The following RAP1A variants were observed in gnomAD, a reference collection of about 807,000 sequenced individuals.
The protein encoded by RAP1A is ras-related protein Rap-1A.
In RAP1A, 6 loss-of-function variants were observed where a neutral mutation model predicts 26.4. That is an observed-to-expected ratio of 0.23 (90% CI 0.12 to 0.45). RAP1A has a LOEUF of 0.45. Among genes scored for constraint, RAP1A ranks in the 20% least tolerant of loss-of-function variants. The pLI, the probability that RAP1A is intolerant of heterozygous loss-of-function variation, is 0.99. For missense variants in RAP1A, 121 were observed against 217.2 expected (o/e 0.56, Z 2.78); for synonymous variants, 73 against 79.4 (o/e 0.92, Z 0.43).
At chr1:111,564,020 C>A in intron 1 of RAP1A, 1 of 1,162,198 alleles carries the variant, frequency 8.6e-7, no homozygotes, top group South Asian at 1.2e-5. Flanking sequence ...CCCATCCAAC[C>A]CTTCTGCCAT....
In RAP1A at chr1:111,626,944, C is replaced by G. The variant is rs371746717; in HGVS notation, c.-28+7010C>G. ...TACACAACCTAAAAGTAAAGGTGAG[C>G]ATAATAGAAGCTGGAAACAAGCTGC... On this transcript the variant is annotated intron_variant, in intron 1 of 7. Transcript: ENST00000369709. 4.6e-5 allele frequency among the ~76,000 whole-genome samples: 7 copies of G among 152,214 alleles called. No individual in the cohort carries two copies. In the East Asian group the frequency reaches 1.2e-3, roughly 25 times the overall value.
At chr1:111,543,413 C>T (rs1401388552) in intron 1 of RAP1A, among the ~76,000 whole-genome samples, 3 of 152,118 alleles carry the variant, frequency 2.0e-5, no homozygotes, top group East Asian at 1.9e-4. Flanking sequence ...TACCATCTCC[C>T]GTCTATTCGC....
intron 1 of RAP1A, among the ~76,000 whole-genome samples, chr1:111,622,548 A>G (rs1395642269): frequency 6.6e-6 from 1 of 152,098 alleles, no homozygotes; most frequent in Non-Finnish European, 1.5e-5. Flanking sequence ...CACTGTTTCT[A>G]TCCTCTCACC....
chr1:111,623,579 G>C (rs1387223833), intron 1 of RAP1A, among the ~76,000 whole-genome samples: 1 of 151,828 alleles, frequency 6.6e-6, no homozygotes, highest in Non-Finnish European at 1.5e-5. Flanking sequence ...GCTAATTTTT[G>C]TATTTTTTTT....
intron 6 of RAP1A, chr1:111,706,806 T>C: frequency 1.1e-6 from 1 of 888,372 alleles, no homozygotes; most frequent in Non-Finnish European, 1.3e-6. Flanking sequence ...AGAAATAATT[T>C]AGAATAATAC....
At chr1:111,560,370 C>A (rs1657684000) in intron 1 of RAP1A, among the ~76,000 whole-genome samples, 1 of 151,730 alleles carries the variant, frequency 6.6e-6, no homozygotes, top group South Asian at 2.1e-4. Flanking sequence ...AGGCCTAAGG[C>A]AGGGGCTGAT....
chr1:111,556,480 C>T (rs146535342), intron 1 of RAP1A, among the ~76,000 whole-genome samples: 2 of 152,178 alleles, frequency 1.3e-5, no homozygotes, highest in African/African-American at 4.8e-5. Flanking sequence ...CTCACAGTTG[C>T]CATAGGGTGG....
intron 1 of RAP1A, among the ~76,000 whole-genome samples, chr1:111,632,038 C>T (rs1424973689): frequency 6.6e-6 from 1 of 152,046 alleles, no homozygotes; most frequent in African/African-American, 2.4e-5. Flanking sequence ...TTACAGTAGT[C>T]CAAATGTTTA....
chr1:111,680,469 C>T (rs1411044723), intron 1 of RAP1A, among the ~76,000 whole-genome samples: 2 of 152,132 alleles, frequency 1.3e-5, no homozygotes, highest in African/African-American at 4.8e-5. Flanking sequence ...CATTTATAAT[C>T]CTTTAGCTAG....
At chr1:111,680,473 T>C (rs1473117326) in intron 1 of RAP1A, among the ~76,000 whole-genome samples, 1 of 152,210 alleles carries the variant, frequency 6.6e-6, no homozygotes, top group Non-Finnish European at 1.5e-5. Context: ...TATAATCCTT[T>C]AGCTAGACAT....
intron 1 of RAP1A, among the ~76,000 whole-genome samples, chr1:111,621,788 A>G (rs910441171): frequency 2.6e-5 from 4 of 152,228 alleles, no homozygotes; most frequent in African/African-American, 7.2e-5. Context: ...TCTGAGGCCA[A>G]CCATGAACTT....
chr1:111,594,687 G>T (rs12568194), intron 1 of RAP1A, among the ~76,000 whole-genome samples: 53,452 of 151,952 alleles, frequency 0.35, 10,482 homozygotes, highest in Middle Eastern at 0.47. Flanking sequence ...AACCCATAAA[G>T]TTCCTTAAGT....
chr1:111,595,327 T>C (rs1037205006), intron 1 of RAP1A, among the ~76,000 whole-genome samples: 3 of 152,184 alleles, frequency 2.0e-5, no homozygotes, highest in Non-Finnish European at 4.4e-5. Flanking sequence ...TACAGATTCC[T>C]CGGGCTGTAG....
At chr1:111,655,658 C>CTTTTTTTTTT (rs34266778) in intron 1 of RAP1A, among the ~76,000 whole-genome samples, 18 of 85,158 alleles carry the variant, frequency 2.1e-4, no homozygotes, top group African/African-American at 6.3e-4. Context: ...TGTTCATAGT[C>CTTTTTTTTTT]TTTTTTTTTT....
At chr1:111,605,436 C>T (rs1294245982) in intron 1 of RAP1A, among the ~76,000 whole-genome samples, 4 of 152,186 alleles carry the variant, frequency 2.6e-5, no homozygotes, top group South Asian at 2.1e-4. Context: ...TTTTGGTCTT[C>T]GTACTATATT....
chr1:111,711,127 G>A (rs777164808), intron 7 of RAP1A, among the ~76,000 whole-genome samples: 22 of 152,158 alleles, frequency 1.4e-4, no homozygotes, highest in Non-Finnish European at 2.5e-4. Flanking sequence ...GTGAGCCACC[G>A]CGCCTGGCCT....
At chr1:111,615,829 CAAAA>C (rs34751097), upstream of RAP1A, among the ~76,000 whole-genome samples, 972 of 86,238 alleles carry the variant, frequency 0.011, 4 homozygotes, top group Non-Finnish European at 0.018. Context: ...GACTCTGTCT[CAAAA>C]AAAAAAAAAA....
chr1:111,643,696 A>G (rs1055011890), intron 1 of RAP1A, among the ~76,000 whole-genome samples: 1 of 152,238 alleles, frequency 6.6e-6, no homozygotes, highest in Non-Finnish European at 1.5e-5. Flanking sequence ...TCAGAGTCAT[A>G]GCAGCAAGCA....
intron 1 of RAP1A, among the ~76,000 whole-genome samples, chr1:111,553,799 C>A (rs1657373074): frequency 6.6e-6 from 1 of 152,136 alleles, no homozygotes; most frequent in East Asian, 1.9e-4. Context: ...CCTATTTAGT[C>A]AACTCAAATC....
Sources: gnomAD v4.1 joint callset for allele counts (sites outside exome capture counted in the v4.1 genomes callset) on GRCh38, gnomAD v4.1.1 for gene constraint, MANE v1.5 for transcripts, NCBI Gene and HGNC (gene_info 2026-07-23, HGNC 2026-07-21) for gene names.